Variants in COL21A1 observed in about 807,000 individuals in gnomAD.
COL21A1 encodes the protein collagen alpha-1(XXI) chain.
A neutral mutation model predicts 137.9 loss-of-function variants in COL21A1; 149 were observed. That is an observed-to-expected ratio of 1.08 (90% confidence interval 0.95 to 1.24). COL21A1 has a LOEUF of 1.24. Among genes scored for constraint, COL21A1 ranks in the 50% most tolerant of loss-of-function variants. The probability of loss-of-function intolerance (pLI) is 0.00; values close to 1 mark genes in which losing one functional copy is unlikely to be tolerated. For synonymous variants in COL21A1, 456 were observed against 391.5 expected (o/e 1.16, Z -1.95); for missense variants, 1,167 against 1,158.4 (o/e 1.01, Z -0.11).
chr6:56,216,575 A>G (rs569513135), intron 1 of COL21A1, among the ~76,000 whole-genome samples: 1 of 152,132 alleles, frequency 6.6e-6, no homozygotes, highest in African/African-American at 2.4e-5. Flanking sequence ...ATCAAAAGAA[A>G]TTCTTGATAA....
At chr6:56,326,627 T>A (rs1265495689) in intron 1 of COL21A1, among the ~76,000 whole-genome samples, 2 of 152,020 alleles carry the variant, frequency 1.3e-5, no homozygotes, top group East Asian at 3.9e-4. Context: ...TTCTCTCTGA[T>A]TGACAATTTT....
chr6:56,297,046 C>T (rs1242090018), intron 1 of COL21A1, among the ~76,000 whole-genome samples: 2 of 151,994 alleles, frequency 1.3e-5, no homozygotes, highest in East Asian at 1.9e-4. Context: ...TTTGTTGTAG[C>T]TTTATCATAA....
intron 16 of COL21A1, among the ~76,000 whole-genome samples, chr6:56,106,947 C>G (rs1343235901): frequency 6.6e-6 from 1 of 151,984 alleles, no homozygotes; most frequent in Non-Finnish European, 1.5e-5. Flanking sequence ...CCACCACGCC[C>G]GGCTAATTTT....
chr6:56,227,857 C>T (rs1055644690), intron 1 of COL21A1, among the ~76,000 whole-genome samples: 7 of 151,938 alleles, frequency 4.6e-5, no homozygotes, highest in South Asian at 2.1e-4. Flanking sequence ...GGAGTGAATA[C>T]CTAGTTCCTG....
chr6:56,309,097 T>G (rs935323029), intron 1 of COL21A1, among the ~76,000 whole-genome samples: 2 of 151,418 alleles, frequency 1.3e-5, no homozygotes, highest in South Asian at 4.2e-4. Flanking sequence ...GGCTGGAGTA[T>G]AGTGGTGTGA....
chr6:56,143,495 C>T (rs553617903), intron 10 of COL21A1, among the ~76,000 whole-genome samples: 5 of 152,232 alleles, frequency 3.3e-5, no homozygotes, highest in South Asian at 2.1e-4. Context: ...CCACTGCACC[C>T]GGCCGACTAT....
chr6:56,129,671 C>CGTGTGTGTGTGTGT (rs1773341967), intron 12 of COL21A1, among the ~76,000 whole-genome samples: 1 of 85,772 alleles, frequency 1.2e-5, no homozygotes, highest in East Asian at 5.0e-4. Flanking sequence ...CTGTCACGTG[C>CGTGTGTGTGTGTGT]GTGCGTGTGT....
intron 16 of COL21A1, among the ~76,000 whole-genome samples, chr6:56,102,461 A>G (rs1456026608): frequency 6.6e-6 from 1 of 152,150 alleles, no homozygotes; most frequent in Non-Finnish European, 1.5e-5. Context: ...TCATACCAGA[A>G]AGAACATTTT....
At chr6:56,101,624 C>G in intron 16 of COL21A1, 99 bp from the exon 17 acceptor site, 1 of 797,988 alleles carries the variant, frequency 1.3e-6, no homozygotes, top group Non-Finnish European at 2.0e-6. Context: ...ACATTAAATA[C>G]AAACAGAAAA....
intron 5 of COL21A1, 62 bp downstream of exon 5, chr6:56,170,587 A>G (rs1776956244): frequency 2.6e-6 from 3 of 1,145,748 alleles, no homozygotes; most frequent in Non-Finnish European, 3.8e-6. Context: ...CCCAACACAC[A>G]TAAACCCAAT....
rs547414812 is a variant in COL21A1, at chr6:56,169,688, T to A, written c.1026+961A>T. ...TCAAAATGCTATACATCCTTCAAGG[T>A]CCAGTTCAAAAATTATTTCATTTAT... On this transcript the variant is annotated intron_variant, in intron 5 of 29. Coordinates refer to ENST00000244728, the MANE Select transcript of COL21A1 (RefSeq NM_030820.4). Among the ~76,000 whole-genome samples, 20 of 152,070 alleles carry A rather than the reference T, an allele frequency of 1.3e-4. No individual in the cohort carries two copies. In the South Asian group the frequency reaches 4.1e-3, roughly 31 times the overall value.
At chr6:56,154,452 C>T (rs1279905433) in intron 10 of COL21A1, among the ~76,000 whole-genome samples, 2 of 152,194 alleles carry the variant, frequency 1.3e-5, no homozygotes, top group African/African-American at 4.8e-5. Context: ...GTTGCTCAAG[C>T]TATACTCCTT....
chr6:56,136,229 A>T (rs1437728454), intron 12 of COL21A1, among the ~76,000 whole-genome samples: 3 of 152,218 alleles, frequency 2.0e-5, no homozygotes, highest in Non-Finnish European at 4.4e-5. Flanking sequence ...ACTGCTGCTG[A>T]TAAATATGTA....
intron 1 of COL21A1, among the ~76,000 whole-genome samples, chr6:56,224,013 T>G (rs1341727772): frequency 6.6e-6 from 1 of 152,120 alleles, no homozygotes; most frequent in Non-Finnish European, 1.5e-5. Flanking sequence ...ATTTGTTTCC[T>G]GACTGGAATA....
chr6:56,267,578 C>G (rs796935145), intron 1 of COL21A1, among the ~76,000 whole-genome samples: 1 of 151,618 alleles, frequency 6.6e-6, no homozygotes, highest in African/African-American at 2.4e-5. Context: ...GCCAACATGG[C>G]GAAAACCCAT....
intron 1 of COL21A1, among the ~76,000 whole-genome samples, chr6:56,309,922 T>C (rs775325465): frequency 6.6e-6 from 1 of 152,174 alleles, no homozygotes; most frequent in Non-Finnish European, 1.5e-5. Context: ...ACTGATTAAT[T>C]ATAACAATAG....
intron 1 of COL21A1, among the ~76,000 whole-genome samples, chr6:56,362,251 C>A (rs1765991145): frequency 6.6e-6 from 1 of 152,100 alleles, no homozygotes; most frequent in Admixed American, 6.5e-5. Flanking sequence ...ATAATCGTGT[C>A]TGAAGAAAAC....
intron 24 of COL21A1, 22 bp from the exon 25 acceptor site, chr6:56,061,703 A>G (rs780482256): frequency 2.8e-5 from 43 of 1,519,064 alleles, no homozygotes; most frequent in Non-Finnish European, 3.8e-5. Context: ...AATAGAAAAA[A>G]TATAATAAAT....
intron 1 of COL21A1, among the ~76,000 whole-genome samples, chr6:56,207,522 T>G (rs1378630564): frequency 1.3e-5 from 2 of 152,026 alleles, no homozygotes; most frequent in Admixed American, 1.3e-4. Flanking sequence ...AATAATAAGT[T>G]CTGAAATTGA....
Sources: gnomAD v4.1 joint callset for allele counts (sites outside exome capture counted in the v4.1 genomes callset) on GRCh38, gnomAD v4.1.1 for gene constraint, MANE v1.5 for transcripts, NCBI Gene and HGNC (gene_info 2026-07-23, HGNC 2026-07-21) for gene names.